The following ZNF362 variants were observed in gnomAD, a reference collection of about 807,000 sequenced individuals.
The protein encoded by ZNF362 is zinc finger protein 362.
ZNF362 carries 11 observed loss-of-function variants against 42.9 expected under a neutral mutation model. The ratio of observed to expected loss-of-function variants is 0.26; its 90% CI spans 0.16 to 0.42. The LOEUF is 0.42. Ranked by LOEUF, ZNF362 falls within the 20% of genes least tolerant of loss-of-function variation. The pLI, the probability that ZNF362 is intolerant of heterozygous loss-of-function variation, is 1.00. For missense variants in ZNF362, 362 were observed against 576.2 expected (o/e 0.63, Z 3.81); for synonymous variants, 255 against 257.3 (o/e 0.99, Z 0.09).
chr1:33,252,785 A>G (rs900206914), upstream of ZNF362, among the ~76,000 whole-genome samples: 8 of 152,214 alleles, frequency 5.3e-5, no homozygotes, highest in Non-Finnish European at 8.8e-5. Context: ...CAAGAGATTG[A>G]TTCTTATACA....
the ZNF362 span, chr1:33,142,864 C>T: frequency 6.6e-5 from 10 of 152,056 alleles, no homozygotes; most frequent in East Asian, 7.7e-4. Flanking sequence ...GGCTGTGGGT[C>T]CTCTGGGAAG....
At chr1:33,141,522 C>T in the ZNF362 span, among the ~76,000 whole-genome samples, 1 of 152,198 alleles carries the variant, frequency 6.6e-6, no homozygotes, top group East Asian at 1.9e-4. Flanking sequence ...TCTAGTCTCA[C>T]AGTTTTGGGA....
At chr1:33,181,476 C>A in the ZNF362 span, 1 of 1,531,896 alleles carries the variant, frequency 6.5e-7, no homozygotes, top group Non-Finnish European at 8.7e-7. This position sits in a 1 kb window ranked among gnomAD's most constrained non-coding sequence, Gnocchi z 6.5. Context: ...GGCAGGGGGG[C>A]GGCTGAGAGA....
chr1:33,239,149 T>C, the ZNF362 span, among the ~76,000 whole-genome samples: 1 of 152,124 alleles, frequency 6.6e-6, no homozygotes, highest in Non-Finnish European at 1.5e-5. Flanking sequence ...CCACTAATAA[T>C]AGATTATTAT....
the ZNF362 span, among the ~76,000 whole-genome samples, chr1:33,174,968 T>TATAC: frequency 4.0e-5 from 5 of 124,950 alleles, no homozygotes; most frequent in African/African-American, 1.5e-4. Flanking sequence ...TATATATATA[T>TATAC]ACACACATAT....
the ZNF362 span, chr1:33,158,433 C>A: frequency 7.5e-7 from 1 of 1,329,092 alleles, no homozygotes; most frequent in Non-Finnish European, 1.1e-6. Context: ...GCCAGGGGCC[C>A]CGCAGCCACC....
chr1:33,287,355 C>T (rs988910752), intron 6 of ZNF362, among the ~76,000 whole-genome samples: 5 of 152,284 alleles, frequency 3.3e-5, no homozygotes, highest in African/African-American at 1.2e-4. Flanking sequence ...AGTGTGGTAG[C>T]ATGTGTTGTA....
the ZNF362 span, chr1:33,158,418 C>A: frequency 6.4e-7 from 1 of 1,559,942 alleles, no homozygotes; most frequent in Non-Finnish European, 8.8e-7. Flanking sequence ...GATTCCTGCC[C>A]CAATGCCAGG....
the ZNF362 span, among the ~76,000 whole-genome samples, chr1:33,149,635 CAT>C: frequency 6.8e-6 from 1 of 146,770 alleles, no homozygotes; most frequent in Non-Finnish European, 1.5e-5. Context: ...TTAAATTTTT[CAT>C]AGAGATGAGG....
At chr1:33,180,961 C>T in the ZNF362 span, 6 of 429,324 alleles carry the variant, frequency 1.4e-5, no homozygotes, top group Non-Finnish European at 2.6e-5. Flanking sequence ...CCTGACCCCA[C>T]CCCCCGCCCG....
At chr1:33,256,819 G>C (rs1363090251) in intron 1 of ZNF362, among the ~76,000 whole-genome samples, 165 bp downstream of exon 1, 2 of 118,548 alleles carry the variant, frequency 1.7e-5, no homozygotes, top group South Asian at 2.9e-4. Context: ...CCTCGGGCCC[G>C]GCCCAGAGCG....
the ZNF362 span, among the ~76,000 whole-genome samples, chr1:33,144,351 C>T: frequency 0.21 from 32,354 of 152,072 alleles, 3,522 homozygotes; most frequent in South Asian, 0.3. Flanking sequence ...TTGGTCAGGG[C>T]GGTTTTGAAC....
At chr1:33,154,144 G>A in the ZNF362 span, among the ~76,000 whole-genome samples, 1 of 151,742 alleles carries the variant, frequency 6.6e-6, no homozygotes, top group East Asian at 1.9e-4. Context: ...ACATGTAGAT[G>A]AGGGAGAATA....
the ZNF362 span, among the ~76,000 whole-genome samples, chr1:33,166,610 C>T: frequency 3.3e-5 from 5 of 152,076 alleles, no homozygotes; most frequent in South Asian, 4.2e-4. Context: ...AAGAAACTGG[C>T]CCCATAGCAT....
chr1:33,285,247 C>CT (rs1263891841), intron 6 of ZNF362, among the ~76,000 whole-genome samples: 2 of 152,026 alleles, frequency 1.3e-5, no homozygotes, highest in African/African-American at 4.8e-5. Flanking sequence ...AACTCCGTCT[C>CT]TACTAAAAGT....
rs779402218 is a variant in ZNF362, at chr1:33,270,536, C to T, written c.-39C>T. ...TGACTGGCTGGGGGTTCAGGGAAAG[C>T]TCCGTAGAAGAGGGAACACTTGAGC... is the stretch of plus-strand genomic sequence containing the variant. On this transcript the variant is annotated 5_prime_UTR_variant, in exon 2 of 9. Transcript: ENST00000539719. 4 of 1,369,790 alleles carry T rather than the reference C, an allele frequency of 2.9e-6. No homozygotes were observed. Among genetic ancestry groups the T allele is most frequent in the Non-Finnish European group, 4.2e-6 (4 of 960,980 alleles). 84.9% of individuals were successfully genotyped at this position (1,369,790 alleles called of 1,614,324 possible).
intron 4 of ZNF362, among the ~76,000 whole-genome samples, chr1:33,279,443 C>T (rs1377613973): frequency 6.6e-6 from 1 of 151,860 alleles, no homozygotes; most frequent in African/African-American, 2.4e-5. Flanking sequence ...CTCCTGCCAA[C>T]TTGACATTAT....
intron 2 of ZNF362, among the ~76,000 whole-genome samples, chr1:33,271,483 C>G (rs2148082720): frequency 6.6e-6 from 1 of 152,346 alleles, no homozygotes; most frequent in Non-Finnish European, 1.5e-5. Context: ...GGGGCAGGAG[C>G]AAGTGCCTTG....
At chr1:33,141,958 CCCTCT>C in the ZNF362 span, 1 of 153,010 alleles carries the variant, frequency 6.5e-6, no homozygotes, top group East Asian at 1.9e-4. Context: ...TTCCCCCCTC[CCCTCT>C]CCTACTTTTT....
Sources: gnomAD v4.1 joint callset for allele counts (sites outside exome capture counted in the v4.1 genomes callset) on GRCh38, gnomAD v4.1.1 for gene constraint, Gnocchi (gnomAD v3.1) non-coding constraint, MANE v1.5 for transcripts, NCBI Gene and HGNC (gene_info 2026-07-23, HGNC 2026-07-21) for gene names.